TPP2: variants seen among roughly 807,000 people sequenced by gnomAD.
The protein encoded by TPP2 is tripeptidyl peptidase 2, also known as tripeptidyl-peptidase 2.
TPP2 carries 34 observed loss-of-function variants against 155.9 expected under a neutral mutation model. That is an observed-to-expected ratio of 0.22 (90% confidence interval 0.17 to 0.29). The LOEUF is 0.29. Ranked by LOEUF, TPP2 falls within the 10% of genes least tolerant of loss-of-function variation. The probability of loss-of-function intolerance (pLI) is 1.00; values close to 1 mark genes in which losing one functional copy is unlikely to be tolerated. For missense variants in TPP2, 1,028 were observed against 1,522.3 expected, an observed-to-expected ratio of 0.68 and a Z score of 5.40; for synonymous variants, 510 against 529.4, an observed-to-expected ratio of 0.96 and a Z score of 0.50.
intron 2 of TPP2, 97 bp downstream of exon 2, chr13:102,605,018 T>C: frequency 2.0e-6 from 3 of 1,531,012 alleles, no homozygotes; most frequent in Non-Finnish European, 1.8e-6. Flanking sequence ...GTATTAGTTA[T>C]CCATTGCCAC....
chr13:102,646,818 T>A (rs1595185076), intron 20 of TPP2, among the ~76,000 whole-genome samples: 1 of 152,250 alleles, frequency 6.6e-6, no homozygotes, highest in Non-Finnish European at 1.5e-5. Flanking sequence ...GTGTAAATGC[T>A]GGACCAAAGA....
intron 24 of TPP2, 61 bp from the exon 25 acceptor site, chr13:102,656,995 A>T: frequency 1.3e-6 from 2 of 1,512,020 alleles, no homozygotes; most frequent in Non-Finnish European, 1.8e-6. Context: ...GCTGTTGAAG[A>T]TGATTTTGAT....
chr13:102,631,749 A>G (rs996689572), intron 10 of TPP2, among the ~76,000 whole-genome samples: 4 of 152,262 alleles, frequency 2.6e-5, no homozygotes, highest in Non-Finnish European at 5.9e-5. Flanking sequence ...TTCATTTTTC[A>G]TAAACATGAA....
chr13:102,679,745 C>T lies in TPP2; in HGVS notation c.*1429C>T, dbSNP rs1437120496. On this transcript the variant is annotated 3_prime_UTR_variant, in exon 30 of 30. Transcript: ENST00000376052. ...GGTCCCCATTTGTATAGGTTTAGTCCAGTAAGAGAATGGAGAAGCTCAGTA... is the reference window on the plus strand; with the variant it reads ...GGTCCCCATTTGTATAGGTTTAGTCTAGTAAGAGAATGGAGAAGCTCAGTA... The T allele has an allele frequency of 1.3e-5, 2 of 152,124 alleles. No individual in the cohort carries two copies. Among genetic ancestry groups the T allele is most frequent in the East Asian group, 1.9e-4 (1 of 5,196 alleles). 9.4% of individuals were successfully genotyped at this position (152,124 alleles called of 1,614,324 possible). A position where few individuals can be genotyped will look rare whatever the true frequency, so the allele number is the denominator to read the frequency against.
chr13:102,644,406 C>T (rs553352445), intron 17 of TPP2, 151 bp from the exon 18 acceptor site: 3 of 584,418 alleles, frequency 5.1e-6, no homozygotes, highest in African/African-American at 3.8e-5. Flanking sequence ...TTGTCTAACT[C>T]TTACTTAGCA....
At chr13:102,603,042 C>G (rs1879552800) in intron 1 of TPP2, among the ~76,000 whole-genome samples, 1 of 151,948 alleles carries the variant, frequency 6.6e-6, no homozygotes, top group Non-Finnish European at 1.5e-5. Flanking sequence ...AGAAAGAGCC[C>G]AGAAATTATT....
At chr13:102,642,572 G>A (rs1882837731) in intron 16 of TPP2, among the ~76,000 whole-genome samples, 1 of 152,102 alleles carries the variant, frequency 6.6e-6, no homozygotes, top group Admixed American at 6.6e-5. Flanking sequence ...GGTTCTGAGA[G>A]CTCTCTGCAC....
intron 27 of TPP2, among the ~76,000 whole-genome samples, chr13:102,668,176 TCCTTTACATTC>T (rs1212018987): frequency 6.6e-6 from 1 of 152,134 alleles, no homozygotes; most frequent in African/African-American, 2.4e-5. Context: ...CTAGATAAGT[TCCTTTACATTC>T]CCTTGTTATC....
At chr13:102,636,659 A>G (rs2139507404) in intron 13 of TPP2, among the ~76,000 whole-genome samples, 1 of 152,342 alleles carries the variant, frequency 6.6e-6, no homozygotes, top group South Asian at 2.1e-4. Flanking sequence ...TGTGGATAAT[A>G]AAATATCAAA....
At chr13:102,617,740 G>A (rs1257253638) in intron 4 of TPP2, among the ~76,000 whole-genome samples, 1 of 152,186 alleles carries the variant, frequency 6.6e-6, no homozygotes, top group Non-Finnish European at 1.5e-5. Flanking sequence ...TTTGATCAAA[G>A]ACGACTACCT....
chr13:102,627,113 A>G lies in TPP2; in HGVS notation c.886A>G (p.Ile296Val). Residue 296 changes from isoleucine to valine, a missense_variant, in exon 7 of 30, where the codon ATT becomes GTT. Coordinates refer to ENST00000376052, the MANE Select transcript of TPP2 (RefSeq NM_001330588.2). ...TGGTGCTCAAATTCTTTCCATCAAG[A>G]TTGGTGATACAAGACTAAGCACAAT... ...APGAQILSIK[I>V]GDTRLSTMET... is the part of the protein sequence containing the mutation. 1 of 1,602,158 alleles carries G rather than the reference A, an allele frequency of 6.2e-7. No homozygotes were observed.
intron 16 of TPP2, among the ~76,000 whole-genome samples, chr13:102,642,601 C>T (rs190811420): frequency 1.8e-4 from 27 of 152,260 alleles, no homozygotes; most frequent in Admixed American, 8.5e-4. Context: ...TTATGAGCCA[C>T]GGCATTGCGC....
chr13:102,626,917 A>G, intron 6 of TPP2, 95 bp from the exon 7 acceptor site: 1 of 1,295,918 alleles, frequency 7.7e-7, no homozygotes, highest in South Asian at 2.1e-5. Flanking sequence ...AGTAATGTGT[A>G]TTCTTTTTAT....
In TPP2 at chr13:102,663,686, CAT is replaced by C. The variant is rs1483277242; in HGVS notation, c.3185_3186del (p.Tyr1062SerfsTer2). 6.2e-7 allele frequency: 1 copy of C among 1,608,294 alleles called. No individual in the cohort carries two copies. Among genetic ancestry groups the C allele is most frequent in the Non-Finnish European group, 8.5e-7 (1 of 1,178,026 alleles). On this transcript the variant is annotated frameshift_variant, in exon 26 of 30. Coordinates refer to ENST00000376052, the MANE Select transcript of TPP2 (RefSeq NM_001330588.2). LOFTEE classifies it high-confidence loss of function. ...GACATTTATAACGAATTGAAAGAAA[CAT>C]ATCCTAATTATCTTCCTCTGTACGT...
At chr13:102,658,759 C>CT (rs890305502) in intron 25 of TPP2, among the ~76,000 whole-genome samples, 6 of 111,830 alleles carry the variant, frequency 5.4e-5, no homozygotes, top group African/African-American at 2.3e-4. Flanking sequence ...GCTCCAGCTC[C>CT]TGGGGGAGGG....
chr13:102,638,452 C>T, intron 15 of TPP2, 137 bp downstream of exon 15: 1 of 903,108 alleles, frequency 1.1e-6, no homozygotes, highest in East Asian at 2.6e-5. Flanking sequence ...TCCCAGCTAG[C>T]ATTTTTAGGT....
intron 1 of TPP2, among the ~76,000 whole-genome samples, chr13:102,604,386 A>G (rs1638420517): frequency 1.3e-5 from 2 of 152,022 alleles, no homozygotes; most frequent in Admixed American, 1.3e-4. Context: ...TCACCATCTG[A>G]CATGTTCTTT....
chr13:102,674,285 A>G lies in TPP2; in HGVS notation c.3374A>G (p.Asp1125Gly), dbSNP rs1885166442. ...ATATTTTTTAATTTGCTGTACAGTG[A>G]CATGGACAAACAAAAATCCACCCTC... ...PRPDAATIKN[D>G]MDKQKSTLVD... Residue 1125 changes from aspartate to glycine, a missense_variant and splice_region_variant, in exon 28 of 30, where the codon GAC becomes GGC. By Grantham distance (94) the Asp-to-Gly change is moderately conservative. Transcript: ENST00000376052. The G allele has an allele frequency of 1.2e-6, 2 of 1,613,478 alleles. No individual in the cohort carries two copies. The highest frequency in any genetic ancestry group is 1.7e-6 in the Non-Finnish European group (2 of 1,179,548).
At chr13:102,670,829 TA>T (rs1884926479) in intron 27 of TPP2, among the ~76,000 whole-genome samples, 1 of 152,224 alleles carries the variant, frequency 6.6e-6, no homozygotes, top group African/African-American at 2.4e-5. Context: ...ACCGGTAAGT[TA>T]GAATGTATCC....
Sources: gnomAD v4.1 joint callset for allele counts (sites outside exome capture counted in the v4.1 genomes callset) on GRCh38, gnomAD v4.1.1 for gene constraint, MANE v1.5 for transcripts, NCBI Gene and HGNC (gene_info 2026-07-23, HGNC 2026-07-21) for gene names.